SAMD5: variants seen among roughly 807,000 people sequenced by gnomAD.
SAMD5 encodes sterile alpha motif domain containing 5.
Under a neutral mutation model 11.3 loss-of-function variants are expected in SAMD5, and 13 were observed. That is an observed-to-expected ratio of 1.15 (90% confidence interval 0.75 to 1.83). SAMD5 has a LOEUF of 1.83. Ranked by LOEUF, SAMD5 falls within the 40% of genes most tolerant of loss-of-function variation. The pLI is 0.00. For synonymous variants in SAMD5, 129 were observed against 111.3 expected (o/e 1.16, Z -1.00); for missense variants, 255 against 239.1 (o/e 1.07, Z -0.44).
intron 1 of SAMD5, among the ~76,000 whole-genome samples, chr6:147,552,537 C>A (rs1788790731): frequency 6.6e-6 from 1 of 152,194 alleles, no homozygotes; most frequent in Non-Finnish European, 1.5e-5. Flanking sequence ...GGGCATCAAC[C>A]ATTGTCAGTG....
At chr6:147,919,027 A>G in the SAMD5 span, among the ~76,000 whole-genome samples, 37 of 152,316 alleles carry the variant, frequency 2.4e-4, no homozygotes, top group Non-Finnish European at 4.6e-4. Context: ...GATGGCTAAC[A>G]TATTGTGGGC....
chr6:147,934,651 A>G, the SAMD5 span, among the ~76,000 whole-genome samples: 2 of 152,028 alleles, frequency 1.3e-5, no homozygotes, highest in Non-Finnish European at 2.9e-5. Flanking sequence ...GGAAAGTGAG[A>G]GAGGATTGAG....
intron 1 of SAMD5, among the ~76,000 whole-genome samples, chr6:147,550,465 C>G (rs757811477): frequency 2.0e-5 from 3 of 152,094 alleles, no homozygotes; most frequent in Non-Finnish European, 2.9e-5. Flanking sequence ...ATGTTTATCA[C>G]AGCACTATTC....
At chr6:147,898,110 A>G in the SAMD5 span, among the ~76,000 whole-genome samples, 1 of 151,982 alleles carries the variant, frequency 6.6e-6, no homozygotes, top group Admixed American at 6.6e-5. Flanking sequence ...CTTAATTTCT[A>G]TGACTTTGAA....
intron 1 of SAMD5, among the ~76,000 whole-genome samples, chr6:147,558,518 A>T (rs1339153715): frequency 1.3e-5 from 2 of 152,110 alleles, no homozygotes; most frequent in Non-Finnish European, 2.9e-5. Flanking sequence ...GATTCCAGAC[A>T]ATCCAATCTA....
intron 1 of SAMD5, among the ~76,000 whole-genome samples, chr6:147,578,714 T>C (rs1405099025): frequency 4.6e-5 from 7 of 152,238 alleles, no homozygotes; most frequent in Admixed American, 3.3e-4. Flanking sequence ...GGCAAATATA[T>C]GGCAGGTGTT....
chr6:147,687,628 A>G (rs1341635653), intron 1 of SAMD5, among the ~76,000 whole-genome samples: 1 of 152,140 alleles, frequency 6.6e-6, no homozygotes. Flanking sequence ...ACTTCTGGTC[A>G]AGTCTATTAG....
At chr6:147,796,894 T>C in the SAMD5 span, among the ~76,000 whole-genome samples, 1 of 149,626 alleles carries the variant, frequency 6.7e-6, no homozygotes, top group East Asian at 1.9e-4. Flanking sequence ...ATAGGAATGC[T>C]TGTGATTTTT....
At chr6:147,891,035 G>A in the SAMD5 span, among the ~76,000 whole-genome samples, 1 of 152,116 alleles carries the variant, frequency 6.6e-6, no homozygotes. Context: ...TATGTTAAGT[G>A]AAAAAAATTA....
intron 1 of SAMD5, among the ~76,000 whole-genome samples, chr6:147,605,457 T>C (rs1789685293): frequency 6.6e-6 from 1 of 152,158 alleles, no homozygotes; most frequent in African/African-American, 2.4e-5. Context: ...TTGATAAGAA[T>C]GGATGGTAAA....
At chr6:147,542,388 C>T (rs1391813453) in intron 1 of SAMD5, among the ~76,000 whole-genome samples, 1 of 152,184 alleles carries the variant, frequency 6.6e-6, no homozygotes, top group African/African-American at 2.4e-5. Flanking sequence ...GCCGATTCAA[C>T]AAGACAGGGG....
the SAMD5 span, among the ~76,000 whole-genome samples, chr6:147,947,019 CA>C: frequency 1.3e-5 from 2 of 152,146 alleles, no homozygotes; most frequent in Admixed American, 6.6e-5. Flanking sequence ...TCTAAGTTTG[CA>C]AACTGAGGAT....
At chr6:147,652,346 G>C (rs940613199) in intron 1 of SAMD5, among the ~76,000 whole-genome samples, 3 of 152,062 alleles carry the variant, frequency 2.0e-5, no homozygotes, top group African/African-American at 7.2e-5. Context: ...TATTATAAGT[G>C]TTTTATAATA....
chr6:147,611,913 T>C (rs1204338043), intron 1 of SAMD5, among the ~76,000 whole-genome samples: 3 of 152,184 alleles, frequency 2.0e-5, no homozygotes, highest in African/African-American at 7.2e-5. Context: ...CTAAGACAAG[T>C]GGAACTTCTG....
At chr6:147,728,820 T>C (rs1019935307) in intron 1 of SAMD5, among the ~76,000 whole-genome samples, 7 of 152,204 alleles carry the variant, frequency 4.6e-5, no homozygotes, top group African/African-American at 1.7e-4. Flanking sequence ...TTTTTCTGCA[T>C]GATGGTTACA....
the SAMD5 span, among the ~76,000 whole-genome samples, chr6:147,882,493 T>C: frequency 6.6e-6 from 1 of 152,196 alleles, no homozygotes; most frequent in Non-Finnish European, 1.5e-5. Context: ...GGCAGAATGA[T>C]CACTTGAGCC....
chr6:147,616,311 T>G (rs9485206), intron 1 of SAMD5, among the ~76,000 whole-genome samples: 19,346 of 136,262 alleles, frequency 0.14, 3,698 homozygotes, highest in African/African-American at 0.42. Context: ...TCATATATAT[T>G]TATTCATATA....
the SAMD5 span, among the ~76,000 whole-genome samples, chr6:147,936,427 C>T: frequency 6.9e-6 from 1 of 144,202 alleles, no homozygotes; most frequent in Non-Finnish European, 1.5e-5. Context: ...ATAGTGAGAG[C>T]AGGAGTGGCG....
At chr6:147,678,327 T>C (rs2128456110) in intron 1 of SAMD5, among the ~76,000 whole-genome samples, 1 of 152,250 alleles carries the variant, frequency 6.6e-6, no homozygotes, top group African/African-American at 2.4e-5. Context: ...TATGCTGTTA[T>C]AGTGTCTTCA....
Sources: allele counts gnomAD v4.1 joint callset (sites outside exome capture counted in the v4.1 genomes callset), GRCh38; gene constraint gnomAD v4.1.1; transcripts MANE v1.5; gene names NCBI Gene and HGNC (gene_info 2026-07-23, HGNC 2026-07-21).